The following NPEPPS variants were observed in gnomAD, a reference collection of about 807,000 sequenced individuals.
The protein encoded by NPEPPS is aminopeptidase puromycin sensitive.
Under a neutral mutation model 115.5 loss-of-function variants are expected in NPEPPS, and 14 were observed. The ratio of observed to expected loss-of-function variants is 0.12; its 90% CI spans 0.08 to 0.19. NPEPPS has a LOEUF of 0.19. NPEPPS is among the 10% of genes least tolerant of loss of function. The probability of loss-of-function intolerance (pLI) is 1.00; values close to 1 mark genes in which losing one functional copy is unlikely to be tolerated. For synonymous variants in NPEPPS, 285 were observed against 390.6 expected (o/e 0.73, Z 3.19); for missense variants, 523 against 1,110.8 (o/e 0.47, Z 7.52).
chr17:47,557,193 C>G (rs1376309593), intron 2 of NPEPPS, among the ~76,000 whole-genome samples: 2 of 151,968 alleles, frequency 1.3e-5, no homozygotes, highest in Non-Finnish European at 2.9e-5. Flanking sequence ...ATTCTTATGC[C>G]TCAGCCTCCT....
rs1172238090 is a variant in NPEPPS, at chr17:47,565,505, CAA to C, written c.341-3891_341-3890del. Among the ~76,000 whole-genome samples the C allele has an allele frequency of 2.5e-3, 159 of 64,488 alleles. 1 individual carries two copies. Among genetic ancestry groups the C allele is most frequent in the South Asian group, 0.012 (21 of 1,738 alleles). The allele number at this position is 64,488 out of a possible 152,430, so 42.3% of individuals were successfully genotyped here. On this transcript the variant is annotated intron_variant, in intron 2 of 22. Coordinates refer to ENST00000322157, the MANE Select transcript of NPEPPS (RefSeq NM_006310.4). The stretch of plus-strand genomic sequence containing the variant: ...TGGGCGACAGAGCAAGACTCCATCT[CAA>C]AAAAAAAAAAAAAAAAAAAAGGTGA...
chr17:47,573,488 A>G (rs1240189413), intron 3 of NPEPPS, among the ~76,000 whole-genome samples: 1 of 152,224 alleles, frequency 6.6e-6, no homozygotes, highest in Non-Finnish European at 1.5e-5. Context: ...GATTCTTTGT[A>G]AAAGATATTG....
intron 2 of NPEPPS, among the ~76,000 whole-genome samples, chr17:47,565,748 A>T (rs1910768923): frequency 6.6e-6 from 1 of 151,676 alleles, no homozygotes; most frequent in Non-Finnish European, 1.5e-5. Flanking sequence ...TGAACCTGAG[A>T]GGTCAAGGTT....
At chr17:47,612,960 T>G (rs1031042397) in intron 18 of NPEPPS, among the ~76,000 whole-genome samples, 8 of 152,214 alleles carry the variant, frequency 5.3e-5, no homozygotes, top group Non-Finnish European at 7.4e-5. Flanking sequence ...ACCATGCCTG[T>G]AACTTTTTTT....
intron 4 of NPEPPS, 135 bp downstream of exon 4, chr17:47,579,646 T>C: frequency 1.7e-6 from 1 of 596,920 alleles, no homozygotes; most frequent in Non-Finnish European, 3.0e-6. Context: ...TTAGAATTTT[T>C]ATTTTATATT....
intron 1 of NPEPPS, among the ~76,000 whole-genome samples, chr17:47,535,229 C>A (rs1202758114): frequency 2.4e-5 from 2 of 83,520 alleles, no homozygotes; most frequent in Non-Finnish European, 2.1e-5. Flanking sequence ...GGCAACAGAG[C>A]AAGACTCTGT....
At chr17:47,526,104 C>T (rs546098247) in intron 1 of NPEPPS, among the ~76,000 whole-genome samples, 1 of 152,172 alleles carries the variant, frequency 6.6e-6, no homozygotes, top group East Asian at 1.9e-4. Flanking sequence ...TCCAGCTACT[C>T]AGGAGGCTGA....
At chr17:47,585,092 G>T (rs1039174481) in intron 5 of NPEPPS, among the ~76,000 whole-genome samples, 6 of 152,184 alleles carry the variant, frequency 3.9e-5, no homozygotes, top group African/African-American at 1.2e-4. Flanking sequence ...CTCCCAAAGT[G>T]CTGGTATTAC....
intron 2 of NPEPPS, among the ~76,000 whole-genome samples, chr17:47,564,779 T>C (rs570063507): frequency 6.6e-5 from 10 of 151,982 alleles, no homozygotes; most frequent in East Asian, 3.8e-4. Context: ...TTCTACCCTT[T>C]GAACAATCTA....
chr17:47,544,953 C>T lies in NPEPPS; in HGVS notation c.256-956C>T, dbSNP rs867501662. On this transcript the variant is annotated intron_variant, in intron 1 of 22. Transcript: ENST00000322157. ...CTCCTGACCTCAAGTGATCCGCCTG[C>T]CTCGGCCTCCCAAGGTGCCAAGATT... Among the ~76,000 whole-genome samples, 1,148 of 149,504 alleles carry T rather than the reference C, an allele frequency of 7.7e-3. 8 individuals are homozygous for T. Among genetic ancestry groups the T allele is most frequent in the African/African-American group, 0.024 (965 of 40,442 alleles).
intron 2 of NPEPPS, among the ~76,000 whole-genome samples, chr17:47,549,309 G>T (rs62073979): frequency 6.6e-6 from 1 of 151,552 alleles, no homozygotes; most frequent in East Asian, 2.0e-4. Context: ...GCCACTGCAC[G>T]CCAGCCTGGG....
At chr17:47,613,454 A>G (rs1415763402) in intron 18 of NPEPPS, among the ~76,000 whole-genome samples, 2 of 151,606 alleles carry the variant, frequency 1.3e-5, no homozygotes, top group Non-Finnish European at 2.9e-5. Context: ...TTTAGTAGAG[A>G]CAGGGTTTCA....
chr17:47,536,487 A>G (rs543541837), intron 1 of NPEPPS, among the ~76,000 whole-genome samples: 3 of 130,696 alleles, frequency 2.3e-5, no homozygotes, highest in South Asian at 4.9e-4. Context: ...CTGCCCCCCC[A>G]GGTTCAAGCA....
intron 14 of NPEPPS, 55 bp downstream of exon 14, chr17:47,599,794 A>T: frequency 7.4e-7 from 1 of 1,344,230 alleles, no homozygotes; most frequent in Non-Finnish European, 1.0e-6. Context: ...ATTAACTAAT[A>T]CCAGTAGTAT....
rs773439751 is a variant in NPEPPS at position 47,590,837 on chromosome 17, C to T, written c.1216C>T (p.Arg406Cys). 19 of 1,605,122 alleles carry T rather than the reference C, an allele frequency of 1.2e-5. No individual in the cohort carries two copies. The highest frequency in any genetic ancestry group is 5.1e-5 in the Admixed American group (3 of 59,340). The part of the protein sequence containing the change: ...WTQFVSADYT[R>C]AQELDALDNS... ...TCAGTTTGTTTCTGCTGATTACACC[C>T]GTGCCCAGGAGCTTGACGCCTTAGA... Residue 406 changes from arginine to cysteine, a missense_variant, in exon 10 of 23, where the codon CGT becomes TGT. Transcript: ENST00000322157.
intron 17 of NPEPPS, among the ~76,000 whole-genome samples, chr17:47,611,049 T>C (rs1913837594): frequency 6.6e-6 from 1 of 151,126 alleles, no homozygotes; most frequent in East Asian, 2.0e-4. Context: ...AGACAGGGTT[T>C]CACCATGTTG....
Position 47,613,684 on chromosome 17 carries a change from T to G in NPEPPS, c.2254T>G (p.Leu752Val), listed in dbSNP as rs1914015566. The change falls in exon 19 of 23, where the codon TTG becomes GTG. Residue 752 changes from leucine to valine, a missense_variant. This residue lies in a region of NPEPPS where 372 missense variants were observed against 542.6 expected (regional missense o/e 0.69). Transcript: ENST00000322157. ...TCCCTTGTAGGTCTATCTGACTGTT[T>G]TGAAGCATGGTGATGGCACTACTTT... is the stretch of plus-strand genomic sequence containing the variant. Reference protein sequence around the residue: ...DLRSPVYLTVLKHGDGTTLDI... With the variant: ...DLRSPVYLTVVKHGDGTTLDI... The G allele has an allele frequency of 1.9e-6, 3 of 1,611,406 alleles. No individual in the cohort carries two copies. The highest frequency in any genetic ancestry group is 2.5e-6 in the Non-Finnish European group (3 of 1,178,940).
At chr17:47,571,178 A>T (rs1303739671) in intron 3 of NPEPPS, among the ~76,000 whole-genome samples, 1 of 152,218 alleles carries the variant, frequency 6.6e-6, no homozygotes, top group Admixed American at 6.5e-5. Context: ...TGAAAAGCAG[A>T]ATATAAAATT....
chr17:47,586,539 T>C, intron 8 of NPEPPS, 141 bp downstream of exon 8: 1 of 713,698 alleles, frequency 1.4e-6, no homozygotes, highest in Admixed American at 2.4e-5. Flanking sequence ...CGTGCACATT[T>C]CAAGAATGCA....
Sources: allele counts gnomAD v4.1 joint callset (sites outside exome capture counted in the v4.1 genomes callset), GRCh38; gene constraint gnomAD v4.1.1; regional missense constraint gnomAD v4.1.1; transcripts MANE v1.5; gene names NCBI Gene and HGNC (gene_info 2026-07-23, HGNC 2026-07-21).